C5orf34: variants seen among roughly 807,000 people sequenced by gnomAD.
C5orf34 encodes chromosome 5 open reading frame 34.
C5orf34 carries 73 observed loss-of-function variants against 78.4 expected under a neutral mutation model. The ratio of observed to expected loss-of-function variants is 0.93; its 90% confidence interval spans 0.77 to 1.13. The LOEUF is 1.13. Among genes scored for constraint, C5orf34 ranks in the 50% most tolerant of loss-of-function variants. The pLI, the probability that C5orf34 is intolerant of heterozygous loss-of-function variation, is 0.00. For missense variants in C5orf34, 730 were observed against 732.7 expected (o/e 1.00, Z 0.04); for synonymous variants, 251 against 246.6 (o/e 1.02, Z -0.17).
chr5:43,497,648 T>A (rs1319435647), intron 6 of C5orf34, among the ~76,000 whole-genome samples: 1 of 152,166 alleles, frequency 6.6e-6, no homozygotes, highest in South Asian at 2.1e-4. Context: ...CTGCCTACCA[T>A]CCAGACTTAT....
intron 10 of C5orf34, among the ~76,000 whole-genome samples, chr5:43,491,816 C>T (rs1057338702): frequency 1.3e-5 from 2 of 152,018 alleles, no homozygotes; most frequent in East Asian, 3.9e-4. Context: ...CAAGCCTGAC[C>T]AACATGGAGA....
rs1470875298 is a variant in C5orf34 at position 43,514,165 on chromosome 5, ACTCT to A, written c.-37+637_-37+640del. On this transcript the variant is annotated intron_variant, in intron 1 of 12. Transcript: ENST00000306862. The stretch of plus-strand genomic sequence containing the variant: ...GTTGATTTTCTGTCTTTGGAACCTG[ACTCT>A]CTCTACCTCTTTCTCTTTTTCAGGC... 4 of 151,718 alleles carry A rather than the reference ACTCT, an allele frequency of 2.6e-5. No individual in the cohort carries two copies. The East Asian group carries it at 7.7e-4, about 29-fold the overall frequency. 9.4% of individuals were successfully genotyped at this position (151,718 alleles called of 1,614,324 possible).
In C5orf34 at chr5:43,496,441, T is replaced by C. The variant is rs1745527335; in HGVS notation, c.1153-1840A>G. 3 of 1,583,612 alleles carry C rather than the reference T, an allele frequency of 1.9e-6. No individual in the cohort carries two copies. In the African/African-American group the frequency reaches 4.0e-5, roughly 21 times the overall value. ...AATGACGACAATGTTGATATGAGTC[T>C]TTTCCTTTCCCATTTTGGCTTTTAG... On this transcript the variant is annotated intron_variant, in intron 6 of 12. Coordinates refer to ENST00000306862, the MANE Select transcript of C5orf34 (RefSeq NM_198566.4).
chr5:43,495,744 T>G, intron 6 of C5orf34: 5 of 1,583,762 alleles, frequency 3.2e-6, no homozygotes, highest in Non-Finnish European at 3.5e-6. Flanking sequence ...GTTGGATGAG[T>G]TGGTGGTAGG....
At chr5:43,489,100 C>CTT (rs35229643) in intron 11 of C5orf34, among the ~76,000 whole-genome samples, 2 of 148,084 alleles carry the variant, frequency 1.4e-5, no homozygotes, top group East Asian at 3.9e-4. Context: ...TGCAAAATAT[C>CTT]TTTTTTTTTT....
At chr5:43,503,794 G>A in intron 4 of C5orf34, 34 bp from the exon 5 acceptor site, 1 of 1,395,822 alleles carries the variant, frequency 7.2e-7, no homozygotes, top group Non-Finnish European at 1.0e-6. Context: ...ATTACTTCTG[G>A]TTGCTCAATA....
intron 1 of C5orf34, among the ~76,000 whole-genome samples, chr5:43,511,465 G>A (rs1268134237): frequency 2.0e-5 from 3 of 150,272 alleles, no homozygotes; most frequent in Admixed American, 2.0e-4. Context: ...GGGCGCCTCT[G>A]CCTGGCCGCC....
In C5orf34 at chr5:43,506,343, C is replaced by A. The variant is rs534703704; in HGVS notation, c.337G>T (p.Gly113Cys). 1 of 1,613,462 alleles carries A rather than the reference C, an allele frequency of 6.2e-7. No individual in the cohort carries two copies. The highest frequency in any genetic ancestry group is 1.3e-5 in the African/African-American group (1 of 74,880). Reference sequence around the variant, plus strand: ...CCACTCTCCATATATATCATGGTACCATCTGTATCAAGACTGGGCCATCTC... The same window carrying A: ...CCACTCTCCATATATATCATGGTACAATCTGTATCAAGACTGGGCCATCTC... ...EVRWPSLDTD[G>C]TMIYMESGIV... Residue 113 changes from glycine to cysteine, a missense_variant, in exon 4 of 13, where the codon GGT becomes TGT. Gly to Cys is a radical substitution (Grantham distance 159, BLOSUM62 -3). Transcript: ENST00000306862.
rs1282939087 is a variant in C5orf34 at position 43,503,779 on chromosome 5, A to T, written c.933-19T>A. 1 of 1,495,732 alleles carries T rather than the reference A, an allele frequency of 6.7e-7. No homozygotes were observed. The highest frequency in any genetic ancestry group is 9.3e-7 in the Non-Finnish European group (1 of 1,072,500). The allele number at this position is 1,495,732 out of a possible 1,614,324, so 92.7% of individuals were successfully genotyped here. A position where few individuals can be genotyped will look rare whatever the true frequency, so the allele number is the denominator to read the frequency against. On this transcript the variant is annotated intron_variant, in intron 4 of 12. Coordinates refer to ENST00000306862, the MANE Select transcript of C5orf34 (RefSeq NM_198566.4). ...ATTCCACCTGTGAAGGATAAAATAC[A>T]AGCTATTACTTCTGGTTGCTCAATA...
In C5orf34 at chr5:43,494,604, G is replaced by C; in HGVS notation, c.1153-3C>G. Reference sequence around the variant, plus strand: ...ACTGAGTAAGTTTTCTCTTCTCTCTGAAAATTAGTTAAAATGAAAAATTTC... The same window carrying C: ...ACTGAGTAAGTTTTCTCTTCTCTCTCAAAATTAGTTAAAATGAAAAATTTC... On this transcript the variant is annotated splice_polypyrimidine_tract_variant and splice_region_variant and intron_variant, in intron 6 of 12. Coordinates refer to ENST00000306862, the MANE Select transcript of C5orf34 (RefSeq NM_198566.4). The C allele has an allele frequency of 1.3e-6, 2 of 1,570,274 alleles. No homozygotes were observed. The highest frequency in any genetic ancestry group is 1.7e-6 in the Non-Finnish European group (2 of 1,148,588).
At chr5:43,497,595 C>G (rs903498419) in intron 6 of C5orf34, among the ~76,000 whole-genome samples, 1 of 152,168 alleles carries the variant, frequency 6.6e-6, no homozygotes, top group Admixed American at 6.5e-5. Context: ...GGCTATACAA[C>G]CTTTTGTAAG....
At chr5:43,495,119 C>G in intron 6 of C5orf34, 1 of 1,586,690 alleles carries the variant, frequency 6.3e-7, no homozygotes, top group Non-Finnish European at 8.6e-7. Context: ...GACCTTGCCA[C>G]CTCCAGCAGC....
chr5:43,495,981 G>A, intron 6 of C5orf34: 2 of 1,590,882 alleles, frequency 1.3e-6, no homozygotes, highest in South Asian at 1.1e-5. Context: ...CTGTAGGGTG[G>A]CTCAGTGGAA....
chr5:43,497,580 G>A (rs947598645), intron 6 of C5orf34, among the ~76,000 whole-genome samples: 2 of 152,118 alleles, frequency 1.3e-5, no homozygotes, highest in African/African-American at 4.8e-5. Context: ...CTATAATGAT[G>A]GGCAGGCTAT....
chr5:43,503,901 A>G (rs1314656590), intron 4 of C5orf34, 141 bp from the exon 5 acceptor site: 3 of 592,212 alleles, frequency 5.1e-6, no homozygotes, highest in Non-Finnish European at 9.0e-6. Flanking sequence ...ATATGAAGGT[A>G]TATTAATGAA....
Position 43,495,012 on chromosome 5 carries a change from G to A in C5orf34, c.1153-411C>T, listed in dbSNP as rs1311383164. On this transcript the variant is annotated intron_variant, in intron 6 of 12. Transcript: ENST00000306862. ...CTTAAATGGCCAATTGAAACAAACA[G>A]TTCTGAGACCATTCTTCCACCACTG... The A allele has an allele frequency of 9.8e-6, 13 of 1,321,322 alleles. 1 individual carries two copies. The allele number at this position is 1,321,322 out of a possible 1,614,324, so 81.8% of individuals were successfully genotyped here. A position where few individuals can be genotyped will look rare whatever the true frequency, so the allele number is the denominator to read the frequency against.
intron 4 of C5orf34, among the ~76,000 whole-genome samples, chr5:43,503,987 C>T (rs1745875440): frequency 6.6e-6 from 1 of 152,070 alleles, no homozygotes; most frequent in African/African-American, 2.4e-5. Flanking sequence ...AGCACAATTA[C>T]ATAAATTAAC....
Position 43,506,054 on chromosome 5 carries a change from A to G in C5orf34, c.626T>C (p.Leu209Ser). The change falls in exon 4 of 13, where the codon TTA becomes TCA. Residue 209 changes from leucine (L) to serine (S), a missense_variant. Leu to Ser is a moderately radical substitution (Grantham distance 145). Coordinates refer to ENST00000306862, the MANE Select transcript of C5orf34 (RefSeq NM_198566.4). Reference sequence around the variant, plus strand: ...TCCATTTACACAACTCATCTTCTTTAAAGTTTCTTTGGATTTCATGATCTG... The same window carrying G: ...TCCATTTACACAACTCATCTTCTTTGAAGTTTCTTTGGATTTCATGATCTG... ...HCQIMKSKET[L>S]KKMSCVNGTE... 6.2e-7 allele frequency: 1 copy of G among 1,614,124 alleles called. No individual in the cohort carries two copies. Among genetic ancestry groups the G allele is most frequent in the Non-Finnish European group, 8.5e-7 (1 of 1,180,030 alleles).
At position 43,502,404 on chromosome 5, in the gene C5orf34, T is replaced by C; in HGVS notation, c.1120A>G (p.Thr374Ala). ...GATCCTTCTTGAATAGAATAATAAG[T>C]AAAATAGTTCCCAAAATAAGCCCCT... ...SEGAYFGNYF[T>A]YYSIQEGSGK... is the part of the protein sequence containing the mutation. Residue 374 changes from threonine (T) to alanine (A), a missense_variant, in exon 6 of 13, where the codon ACT (threonine) becomes GCT (alanine). By Grantham distance (58) the Thr-to-Ala change is moderately conservative. Coordinates refer to ENST00000306862, the MANE Select transcript of C5orf34 (RefSeq NM_198566.4). 6.2e-7 allele frequency: 1 copy of C among 1,611,656 alleles called. No homozygotes were observed. The highest frequency in any genetic ancestry group is 1.7e-5 in the Admixed American group (1 of 59,792).
Sources: allele counts gnomAD v4.1 joint callset (sites outside exome capture counted in the v4.1 genomes callset), GRCh38; gene constraint gnomAD v4.1.1; transcripts MANE v1.5; gene names NCBI Gene and HGNC (gene_info 2026-07-23, HGNC 2026-07-21).